ABTB3: variants seen among roughly 807,000 people sequenced by gnomAD.
ABTB3 encodes ankyrin repeat and BTB domain containing 3, also known as ankyrin repeat- and BTB/POZ domain-containing protein 3.
At chr12:107,396,372 G>T in the ABTB3 span, among the ~76,000 whole-genome samples, 1 of 152,208 alleles carries the variant, frequency 6.6e-6, no homozygotes, top group Non-Finnish European at 1.5e-5. Context: ...AGCCTTGAAA[G>T]CTCTGGCAAG....
At chr12:107,465,660 G>A in the ABTB3 span, among the ~76,000 whole-genome samples, 4 of 152,134 alleles carry the variant, frequency 2.6e-5, no homozygotes, top group African/African-American at 4.8e-5. Flanking sequence ...CAAGTTCACC[G>A]TGGCTGCCCT....
At chr12:107,608,115 C>T in the ABTB3 span, among the ~76,000 whole-genome samples, 4 of 152,184 alleles carry the variant, frequency 2.6e-5, no homozygotes, top group African/African-American at 9.7e-5. Flanking sequence ...GCTGACACAC[C>T]TGCCTCTGGG....
chr12:107,372,026 C>T, the ABTB3 span, among the ~76,000 whole-genome samples: 1 of 152,086 alleles, frequency 6.6e-6, no homozygotes, highest in Admixed American at 6.5e-5. Context: ...TACTTTGTAC[C>T]TTATATGACA....
chr12:107,656,138 A>C, the ABTB3 span, among the ~76,000 whole-genome samples: 1 of 46,268 alleles, frequency 2.2e-5, no homozygotes, highest in Non-Finnish European at 3.9e-5. Flanking sequence ...AAAAAATACA[A>C]AAAAAAAAAA....
At chr12:107,549,786 G>A in the ABTB3 span, among the ~76,000 whole-genome samples, 1 of 152,168 alleles carries the variant, frequency 6.6e-6, no homozygotes, top group Non-Finnish European at 1.5e-5. Context: ...CTGGCCTGGA[G>A]GTACCAGAAA....
the ABTB3 span, among the ~76,000 whole-genome samples, chr12:107,575,478 G>A: frequency 3.9e-5 from 6 of 152,078 alleles, no homozygotes; most frequent in East Asian, 5.8e-4. Flanking sequence ...TACCACACAC[G>A]GACGCTTAAA....
At chr12:107,539,749 G>A in the ABTB3 span, among the ~76,000 whole-genome samples, 2,774 of 152,272 alleles carry the variant, frequency 0.018, 42 homozygotes, top group South Asian at 0.055. Flanking sequence ...TACACATTTT[G>A]CACTTAACCC....
the ABTB3 span, among the ~76,000 whole-genome samples, chr12:107,366,091 C>T: frequency 6.6e-6 from 1 of 152,220 alleles, no homozygotes; most frequent in Non-Finnish European, 1.5e-5. Context: ...TGAGAGTGTG[C>T]CACCTTCTCT....
At chr12:107,477,406 G>A in the ABTB3 span, among the ~76,000 whole-genome samples, 2 of 152,260 alleles carry the variant, frequency 1.3e-5, no homozygotes, top group South Asian at 2.1e-4. Flanking sequence ...AGGCATTGGC[G>A]CTAAGACTTG....
At chr12:107,432,959 T>G in the ABTB3 span, among the ~76,000 whole-genome samples, 1 of 152,200 alleles carries the variant, frequency 6.6e-6, no homozygotes, top group Non-Finnish European at 1.5e-5. Flanking sequence ...TGCCTGCTTC[T>G]TCTTCACGGC....
At chr12:107,626,536 G>A in the ABTB3 span, among the ~76,000 whole-genome samples, 12 of 151,874 alleles carry the variant, frequency 7.9e-5, no homozygotes, top group South Asian at 2.1e-3. Context: ...TTTTAATAGA[G>A]ATGGGGTTTC....
the ABTB3 span, among the ~76,000 whole-genome samples, chr12:107,438,417 T>C: frequency 1.3e-5 from 2 of 152,278 alleles, no homozygotes; most frequent in South Asian, 4.1e-4. Context: ...CGGGATGGAT[T>C]CTTTTAGGTG....
the ABTB3 span, among the ~76,000 whole-genome samples, chr12:107,618,870 G>A: frequency 5.3e-5 from 8 of 152,294 alleles, no homozygotes; most frequent in East Asian, 1.9e-4. Flanking sequence ...GGGTGAGGGC[G>A]CCCCTTTCTT....
chr12:107,480,952 G>C, the ABTB3 span, among the ~76,000 whole-genome samples: 1 of 152,186 alleles, frequency 6.6e-6, no homozygotes, highest in South Asian at 2.1e-4. Context: ...AAGGGTAGAA[G>C]TTAAATAAAC....
At chr12:107,637,399 T>TA in the ABTB3 span, among the ~76,000 whole-genome samples, 20 of 151,350 alleles carry the variant, frequency 1.3e-4, no homozygotes, top group African/African-American at 4.9e-4. Flanking sequence ...CTCAAAAAAT[T>TA]TAAAAAAAAA....
At chr12:107,452,016 G>T in the ABTB3 span, among the ~76,000 whole-genome samples, 4 of 152,042 alleles carry the variant, frequency 2.6e-5, no homozygotes, top group Non-Finnish European at 4.4e-5. Flanking sequence ...TCTGGAGCAG[G>T]TATAGACTGG....
the ABTB3 span, among the ~76,000 whole-genome samples, chr12:107,367,202 G>A: frequency 6.6e-6 from 1 of 152,200 alleles, no homozygotes; most frequent in South Asian, 2.1e-4. Context: ...GAATGGGTAT[G>A]AGCCTATACC....
the ABTB3 span, among the ~76,000 whole-genome samples, chr12:107,622,316 T>C: frequency 2.0e-5 from 3 of 152,212 alleles, no homozygotes; most frequent in African/African-American, 4.8e-5. Context: ...GGGGATATTC[T>C]TGTGGTCAAA....
At chr12:107,430,565 T>C in the ABTB3 span, among the ~76,000 whole-genome samples, 10 of 152,330 alleles carry the variant, frequency 6.6e-5, no homozygotes, top group South Asian at 1.2e-3. Context: ...CTAATAGTTG[T>C]CTTTCATTTA....
Sources: gnomAD v4.1 joint callset for allele counts (sites outside exome capture counted in the v4.1 genomes callset) on GRCh38, gnomAD v4.1.1 for gene constraint, MANE v1.5 for transcripts, NCBI Gene and HGNC (gene_info 2026-07-23, HGNC 2026-07-21) for gene names.